EPS15: variants seen among roughly 807,000 people sequenced by gnomAD.
The protein encoded by EPS15 is epidermal growth factor receptor substrate 15.
In EPS15, 72 loss-of-function variants were observed where a neutral mutation model predicts 113.8. The ratio of observed to expected loss-of-function variants is 0.63; its 90% CI spans 0.52 to 0.77. The LOEUF is 0.77. Among genes scored for constraint, EPS15 ranks in the 30% least tolerant of loss-of-function variants. EPS15 has a pLI of 0.00. For missense variants in EPS15, 1,048 were observed against 1,045.8 expected (o/e 1.00, Z -0.03); for synonymous variants, 344 against 363.4 (o/e 0.95, Z 0.61).
Position 51,378,635 on chromosome 1 carries a change from A to G in EPS15, c.2120-12606T>C, listed in dbSNP as rs143531900. On this transcript the variant is annotated intron_variant, in intron 21 of 24. Transcript: ENST00000371733. ...TAGTTGACAGCACTTTAAAGCACCA[A>G]TGCACTCTAATTTGTTAAAATTTGG... Among the ~76,000 whole-genome samples, 243 of 152,358 alleles carry G rather than the reference A, an allele frequency of 1.6e-3. 1 individual carries two copies. Among genetic ancestry groups the G allele is most frequent in the African/African-American group, 5.6e-3 (232 of 41,588 alleles).
At chr1:51,377,390 GA>G (rs1332922305) in intron 21 of EPS15, among the ~76,000 whole-genome samples, 2 of 152,206 alleles carry the variant, frequency 1.3e-5, no homozygotes, top group African/African-American at 4.8e-5. Flanking sequence ...TTCAGTGGAG[GA>G]AGTAACTGCA....
intron 2 of EPS15, among the ~76,000 whole-genome samples, chr1:51,474,846 A>G (rs115555557): frequency 0.048 from 4,014 of 83,170 alleles, 63 homozygotes; most frequent in African/African-American, 0.082. Flanking sequence ...CCCAACCCAC[A>G]AAAGGCCACG....
chr1:51,477,706 T>C (rs530480557), intron 2 of EPS15, among the ~76,000 whole-genome samples: 9 of 152,354 alleles, frequency 5.9e-5, no homozygotes, highest in South Asian at 4.1e-4. Context: ...TTCATTTCAT[T>C]ATGTACCCAG....
At chr1:51,487,025 T>C (rs1644136461) in intron 1 of EPS15, among the ~76,000 whole-genome samples, 1 of 152,076 alleles carries the variant, frequency 6.6e-6, no homozygotes, top group Non-Finnish European at 1.5e-5. Context: ...TCTAGCAAAA[T>C]TTTTCCTGAG....
intron 20 of EPS15, among the ~76,000 whole-genome samples, chr1:51,395,921 T>C (rs980710548): frequency 1.3e-5 from 2 of 152,188 alleles, no homozygotes; most frequent in Admixed American, 1.3e-4. Flanking sequence ...TACAAATAAA[T>C]GTCAAATAAT....
At chr1:51,389,551 A>G (rs1276902913) in intron 21 of EPS15, among the ~76,000 whole-genome samples, 1 of 152,248 alleles carries the variant, frequency 6.6e-6, no homozygotes, top group Non-Finnish European at 1.5e-5. Context: ...AGATGACATG[A>G]TTATATATCT....
At chr1:51,356,886 T>C in intron 24 of EPS15, 40 bp from the exon 25 acceptor site, 2 of 1,558,808 alleles carry the variant, frequency 1.3e-6, no homozygotes, top group Non-Finnish European at 1.7e-6. Context: ...AATAAATAAA[T>C]GAGTAAAGCA....
intron 21 of EPS15, chr1:51,373,116 A>C (rs538146593): frequency 5.8e-6 from 1 of 173,624 alleles, no homozygotes; most frequent in South Asian, 1.8e-4. Flanking sequence ...TAGAGAAGAA[A>C]GAAGGGCAGG....
chr1:51,462,870 A>ATTTTTT (rs34320767), intron 7 of EPS15, among the ~76,000 whole-genome samples: 19 of 111,064 alleles, frequency 1.7e-4, no homozygotes, highest in East Asian at 9.3e-4. Context: ...AAAAAGTCAG[A>ATTTTTT]TTTTTTTTTT....
chr1:51,503,454 G>C (rs992987235), intron 1 of EPS15, among the ~76,000 whole-genome samples: 2 of 152,070 alleles, frequency 1.3e-5, no homozygotes, highest in Admixed American at 1.3e-4. Flanking sequence ...TAGCCAACAT[G>C]GTCTACTCTA....
At chr1:51,408,677 T>C (rs1649380622) in intron 14 of EPS15, among the ~76,000 whole-genome samples, 1 of 152,102 alleles carries the variant, frequency 6.6e-6, no homozygotes, top group African/African-American at 2.4e-5. Context: ...TGGAGTGCAA[T>C]GGCACGATCA....
chr1:51,450,889 A>G (rs1337836716), intron 8 of EPS15, among the ~76,000 whole-genome samples: 1 of 151,988 alleles, frequency 6.6e-6, no homozygotes, highest in Non-Finnish European at 1.5e-5. Flanking sequence ...TATCCATATA[A>G]TGAAATACTA....
At chr1:51,490,393 A>T in intron 1 of EPS15, 1 of 346,790 alleles carries the variant, frequency 2.9e-6, no homozygotes, top group Non-Finnish European at 5.7e-6. Flanking sequence ...GTGAAACCCC[A>T]TCTCTACTAA....
chr1:51,401,177 C>A, intron 18 of EPS15: 1 of 376,162 alleles, frequency 2.7e-6, no homozygotes. Context: ...GACATTACAG[C>A]AAAAATTTTA....
chr1:51,465,368 C>T (rs1193361805), intron 5 of EPS15, 42 bp from the exon 6 acceptor site: 2 of 1,369,072 alleles, frequency 1.5e-6, no homozygotes, highest in South Asian at 1.3e-5. Flanking sequence ...GAAATTCTCA[C>T]ATCAAGAAGC....
intron 4 of EPS15, among the ~76,000 whole-genome samples, chr1:51,468,930 C>T (rs896082030): frequency 1.3e-5 from 2 of 152,064 alleles, no homozygotes; most frequent in African/African-American, 2.4e-5. Flanking sequence ...GAGTATGAGA[C>T]CAACCTGGCC....
intron 24 of EPS15, 113 bp from the exon 25 acceptor site, chr1:51,356,959 GTTAC>G: frequency 1.3e-6 from 1 of 794,556 alleles, no homozygotes; most frequent in South Asian, 2.0e-5. Flanking sequence ...AAATAGTCTG[GTTAC>G]TTGTTAATTC....
intron 21 of EPS15, among the ~76,000 whole-genome samples, chr1:51,390,503 G>T (rs1411212731): frequency 6.6e-6 from 1 of 151,814 alleles, no homozygotes; most frequent in East Asian, 1.9e-4. Context: ...CACAGCAAAA[G>T]AAACTACCAT....
At chr1:51,476,492 T>C (rs1643904663) in intron 2 of EPS15, among the ~76,000 whole-genome samples, 1 of 152,166 alleles carries the variant, frequency 6.6e-6, no homozygotes. Flanking sequence ...CATAGAGGTG[T>C]TTATAGTAGT....
Sources: allele counts gnomAD v4.1 joint callset (sites outside exome capture counted in the v4.1 genomes callset), GRCh38; gene constraint gnomAD v4.1.1; transcripts MANE v1.5; gene names NCBI Gene and HGNC (gene_info 2026-07-23, HGNC 2026-07-21).